Variants in GRID2 observed in about 807,000 individuals in gnomAD.
GRID2 encodes the protein glutamate receptor ionotropic, delta-2.
GRID2 carries 33 observed loss-of-function variants against 114.8 expected under a neutral mutation model. That is an observed-to-expected ratio of 0.29 (90% CI 0.22 to 0.38). The LOEUF (loss-of-function observed/expected upper bound fraction) is 0.38, where lower values mean the gene tolerates loss of function less well. Among genes scored for constraint, GRID2 ranks in the 10% least tolerant of loss-of-function variants. GRID2 has a pLI of 1.00. For synonymous variants in GRID2, 505 were observed against 449.9 expected (o/e 1.12, Z -1.55); for missense variants, 1,184 against 1,257.7 (o/e 0.94, Z 0.89).
chr4:93,184,522 A>C (rs956963325), intron 4 of GRID2, among the ~76,000 whole-genome samples: 4 of 151,892 alleles, frequency 2.6e-5, no homozygotes, highest in African/African-American at 4.8e-5. Context: ...AAAAAAAAAA[A>C]AAAAAAAACT....
chr4:92,729,574 A>C (rs763455405), intron 2 of GRID2, among the ~76,000 whole-genome samples: 2 of 152,038 alleles, frequency 1.3e-5, no homozygotes, highest in Non-Finnish European at 2.9e-5. Context: ...TTAATGCGCT[A>C]AAGCGTAAGG....
At chr4:93,458,817 A>G (rs930331351) in intron 11 of GRID2, among the ~76,000 whole-genome samples, 5 of 152,180 alleles carry the variant, frequency 3.3e-5, no homozygotes, top group African/African-American at 1.2e-4. Flanking sequence ...ATTGATTGAA[A>G]TAGTAGATCA....
intron 2 of GRID2, among the ~76,000 whole-genome samples, chr4:92,673,469 C>A (rs1402636166): frequency 6.6e-6 from 1 of 152,150 alleles, no homozygotes; most frequent in Non-Finnish European, 1.5e-5. Flanking sequence ...ATCAACCATG[C>A]TCCTTCATGA....
In GRID2 at chr4:93,665,427, GT is replaced by G. The variant is rs537816683; in HGVS notation, c.2360+38997del. ...AAAGTTTTGTTTTATGTGGGGTAGTGTTTTTACTTCATTCATCCTGCCTACA... is the reference window on the plus strand; with the variant it reads ...AAAGTTTTGTTTTATGTGGGGTAGTGTTTTACTTCATTCATCCTGCCTACA... On this transcript the variant is annotated intron_variant, in intron 14 of 15. Coordinates refer to ENST00000282020, the MANE Select transcript of GRID2 (RefSeq NM_001510.4). 1.6e-4 allele frequency among the ~76,000 whole-genome samples: 25 copies of G among 152,276 alleles called. 1 individual carries two copies. Among genetic ancestry groups the G allele is most frequent in the Admixed American group, 1.5e-3 (23 of 15,284 alleles).
chr4:93,784,960 G>A (rs773434994), intron 1 of GRID2, among the ~76,000 whole-genome samples: 2 of 152,216 alleles, frequency 1.3e-5, no homozygotes, highest in Admixed American at 1.3e-4. Context: ...AGGCAATAGA[G>A]TATCTTCATA....
At chr4:93,312,551 G>C (rs1292031084) in intron 8 of GRID2, among the ~76,000 whole-genome samples, 3 of 152,158 alleles carry the variant, frequency 2.0e-5, no homozygotes, top group Non-Finnish European at 4.4e-5. Context: ...GAAGTTGAGG[G>C]TAGGGAAGTA....
At chr4:93,608,296 C>CT (rs774334616) in intron 13 of GRID2, among the ~76,000 whole-genome samples, 90,503 of 116,870 alleles carry the variant, frequency 0.77, 35,302 homozygotes, top group East Asian at 0.9. Context: ...ATTTTTTTTT[C>CT]TTTTTTTTTT....
chr4:93,256,287 CAG>C (rs1448356381), intron 8 of GRID2, among the ~76,000 whole-genome samples: 5 of 151,812 alleles, frequency 3.3e-5, no homozygotes, highest in African/African-American at 9.7e-5. Context: ...TTGTTGCTAA[CAG>C]AAATATATTT....
At chr4:92,351,006 T>C (rs1443176968) in intron 1 of GRID2, among the ~76,000 whole-genome samples, 1 of 151,930 alleles carries the variant, frequency 6.6e-6, no homozygotes, top group African/African-American at 2.4e-5. Context: ...GTATCAGTAC[T>C]TCATACTTTT....
intron 14 of GRID2, among the ~76,000 whole-genome samples, chr4:93,740,317 A>G (rs976357802): frequency 6.6e-6 from 1 of 152,152 alleles, no homozygotes; most frequent in Non-Finnish European, 1.5e-5. Context: ...TTCTCAGAAC[A>G]TATCTCCGCC....
intron 2 of GRID2, among the ~76,000 whole-genome samples, chr4:92,613,278 GT>G (rs1283514492): frequency 6.6e-6 from 1 of 151,220 alleles, no homozygotes; most frequent in Non-Finnish European, 1.5e-5. Context: ...GTCTTTAAAG[GT>G]TATGGAGTAA....
At chr4:93,540,219 A>C (rs148300094) in intron 13 of GRID2, among the ~76,000 whole-genome samples, 7 of 151,930 alleles carry the variant, frequency 4.6e-5, no homozygotes, top group Non-Finnish European at 8.8e-5. Context: ...TTTAGAATTC[A>C]ATATTTCCTT....
intron 13 of GRID2, among the ~76,000 whole-genome samples, chr4:93,560,221 G>GAA (rs1734769092): frequency 1.3e-4 from 1 of 7,480 alleles, no homozygotes; most frequent in Non-Finnish European, 2.6e-4. Context: ...AGAACTTAAA[G>GAA]TAAAAAAAAA....
intron 1 of GRID2, among the ~76,000 whole-genome samples, chr4:92,518,049 A>G (rs147546290): frequency 6.5e-4 from 99 of 152,000 alleles, no homozygotes; most frequent in African/African-American, 2.2e-3. Context: ...AACAATAACT[A>G]CTTTTCCCCA....
intron 2 of GRID2, among the ~76,000 whole-genome samples, chr4:93,021,638 TTATAAA>T (rs1723336644): frequency 1.4e-5 from 2 of 145,358 alleles, no homozygotes; most frequent in Non-Finnish European, 3.0e-5. Context: ...TATCACTATA[TTATAAA>T]TATAATTATT....
intron 14 of GRID2, among the ~76,000 whole-genome samples, chr4:93,677,164 G>T (rs190838668): frequency 4.6e-5 from 7 of 152,290 alleles, no homozygotes; most frequent in Non-Finnish European, 7.4e-5. Flanking sequence ...GCCCACGGAG[G>T]CTCGCTGATT....
intron 14 of GRID2, among the ~76,000 whole-genome samples, chr4:93,657,649 C>A (rs1333475193): frequency 6.6e-6 from 1 of 151,634 alleles, no homozygotes; most frequent in Non-Finnish European, 1.5e-5. Context: ...AAAAAAAAAA[C>A]AAAAAACTGA....
chr4:93,486,348 T>TC (rs1435309053), intron 11 of GRID2, among the ~76,000 whole-genome samples: 3 of 151,642 alleles, frequency 2.0e-5, no homozygotes, highest in Non-Finnish European at 4.4e-5. Flanking sequence ...TTTCTGATTT[T>TC]TTTTCTTGGA....
At chr4:93,310,128 C>T (rs1404738284) in intron 8 of GRID2, among the ~76,000 whole-genome samples, 1 of 152,094 alleles carries the variant, frequency 6.6e-6, no homozygotes, top group African/African-American at 2.4e-5. Flanking sequence ...ATTTACTAGA[C>T]ATGCAAAGCA....
Sources: allele counts gnomAD v4.1 joint callset (sites outside exome capture counted in the v4.1 genomes callset), GRCh38; gene constraint gnomAD v4.1.1; transcripts MANE v1.5; gene names NCBI Gene and HGNC (gene_info 2026-07-23, HGNC 2026-07-21).